The following PCDH7 variants were observed in gnomAD, a reference collection of about 807,000 sequenced individuals.
PCDH7 encodes protocadherin 7.
PCDH7 carries 17 observed loss-of-function variants against 58.9 expected under a neutral mutation model. That is an observed-to-expected ratio of 0.29 (90% CI 0.20 to 0.43). The LOEUF (loss-of-function observed/expected upper bound fraction) is 0.43, where lower values mean the gene tolerates loss of function less well. Among genes scored for constraint, PCDH7 ranks in the 20% least tolerant of loss-of-function variants. The pLI is 1.00. For missense variants in PCDH7, 1,274 were observed against 1,441.0 expected (o/e 0.88, Z 1.88); for synonymous variants, 664 against 616.4 (o/e 1.08, Z -1.14).
At chr4:30,912,672 C>T (rs1175781325) in intron 1 of PCDH7, among the ~76,000 whole-genome samples, 1 of 152,094 alleles carries the variant, frequency 6.6e-6, no homozygotes, top group East Asian at 1.9e-4. Context: ...AGACAAAGAG[C>T]AGTATTCAAT....
chr4:30,835,752 C>T (rs1200910503), intron 1 of PCDH7, among the ~76,000 whole-genome samples: 1 of 152,082 alleles, frequency 6.6e-6, no homozygotes, highest in East Asian at 1.9e-4. Flanking sequence ...TAATAATATC[C>T]CTTCTACCTA....
intron 3 of PCDH7, among the ~76,000 whole-genome samples, chr4:30,952,691 ATGAC>A (rs756615255): frequency 2.6e-5 from 4 of 152,128 alleles, no homozygotes; most frequent in Non-Finnish European, 4.4e-5. Context: ...TTGAGGTAAA[ATGAC>A]TGAGAAGAAA....
chr4:31,059,633 A>G lies in PCDH7; in HGVS notation c.*8-82840A>G, dbSNP rs376864516. Among the ~76,000 whole-genome samples the G allele has an allele frequency of 4.6e-5, 7 of 151,872 alleles. No individual in the cohort carries two copies. In the East Asian group the frequency reaches 1.2e-3, roughly 25 times the overall value. On this transcript the variant is annotated intron_variant, in intron 3 of 3. Coordinates refer to the PCDH7 transcript ENST00000509759. The stretch of plus-strand genomic sequence containing the variant: ...TTCAACTTGAGCTAGACAGATGTAC[A>G]TTTCCATTTGTTCAATAATCTGGGA...
At chr4:30,805,338 T>C (rs1416251769) in intron 1 of PCDH7, among the ~76,000 whole-genome samples, 1 of 152,214 alleles carries the variant, frequency 6.6e-6, no homozygotes, top group Non-Finnish European at 1.5e-5. Context: ...TTGGCTCTTG[T>C]AACCTATTAG....
At chr4:31,056,577 G>T (rs1757264042) in intron 3 of PCDH7, among the ~76,000 whole-genome samples, 1 of 149,228 alleles carries the variant, frequency 6.7e-6, no homozygotes. Context: ...GGGAAGAGAG[G>T]AAGGGAAGGG....
chr4:30,786,266 G>T (rs189852462), intron 1 of PCDH7, among the ~76,000 whole-genome samples: 10 of 152,138 alleles, frequency 6.6e-5, no homozygotes, highest in African/African-American at 2.4e-4. Context: ...TTGGAAGGGT[G>T]TGAACATTCA....
At chr4:31,019,439 C>G (rs936903565) in intron 3 of PCDH7, among the ~76,000 whole-genome samples, 2 of 152,030 alleles carry the variant, frequency 1.3e-5, no homozygotes, top group Non-Finnish European at 2.9e-5. Context: ...CATGGTGGCT[C>G]GTGCCTATAA....
At chr4:30,775,784 C>G (rs1721982104) in intron 1 of PCDH7, among the ~76,000 whole-genome samples, 1 of 152,106 alleles carries the variant, frequency 6.6e-6, no homozygotes, top group Admixed American at 6.5e-5. Flanking sequence ...GTAATCCCAG[C>G]TACTCGGGAG....
intron 1 of PCDH7, among the ~76,000 whole-genome samples, chr4:30,861,453 G>A (rs1734187621): frequency 6.6e-6 from 1 of 152,068 alleles, no homozygotes; most frequent in Non-Finnish European, 1.5e-5. Flanking sequence ...AGTTGAAAAA[G>A]CAACACAATA....
chr4:31,090,943 G>T (rs924907401), intron 3 of PCDH7, among the ~76,000 whole-genome samples: 7 of 151,966 alleles, frequency 4.6e-5, no homozygotes, highest in Non-Finnish European at 1.0e-4. Context: ...ATACAAAACT[G>T]TTGTAGTTAA....
chr4:30,862,222 G>A lies in PCDH7; in HGVS notation c.71-57931G>A, dbSNP rs893040733. 5.3e-5 allele frequency among the ~76,000 whole-genome samples: 8 copies of A among 152,136 alleles called. No homozygotes were observed. The South Asian group carries it at 6.2e-4, about 12-fold the overall frequency. The stretch of plus-strand genomic sequence containing the variant: ...ATAATGATTAGAATACAAACCAAGT[G>A]GAAAAATTCACAGTGGTGATGAAAA... On this transcript the variant is annotated intron_variant, in intron 1 of 3. Transcript: ENST00000509759.
chr4:31,082,975 G>C (rs1711764791), intron 3 of PCDH7, among the ~76,000 whole-genome samples: 1 of 152,238 alleles, frequency 6.6e-6, no homozygotes, highest in East Asian at 1.9e-4. Context: ...GGGTGTGGTG[G>C]TGGGCACCTG....
intron 1 of PCDH7, among the ~76,000 whole-genome samples, chr4:30,906,550 C>A (rs778380806): frequency 6.6e-6 from 1 of 151,958 alleles, no homozygotes; most frequent in South Asian, 2.1e-4. Flanking sequence ...AAAGGCTATA[C>A]AGTATAGTTG....
intron 1 of PCDH7, among the ~76,000 whole-genome samples, chr4:30,917,484 T>A (rs963011574): frequency 6.6e-6 from 1 of 152,100 alleles, no homozygotes; most frequent in Admixed American, 6.5e-5. Context: ...TATAATCCAT[T>A]GTATGATACA....
intron 3 of PCDH7, among the ~76,000 whole-genome samples, chr4:30,981,069 C>T (rs1169191698): frequency 6.6e-6 from 1 of 152,152 alleles, no homozygotes; most frequent in Non-Finnish European, 1.5e-5. Flanking sequence ...GTCTTGAACT[C>T]CTGACCTTGT....
chr4:30,958,245 G>A (rs1182824591), intron 3 of PCDH7, among the ~76,000 whole-genome samples: 7 of 152,058 alleles, frequency 4.6e-5, no homozygotes, highest in Non-Finnish European at 1.0e-4. Flanking sequence ...AAGACACCAA[G>A]GGCCCATCTG....
At chr4:31,070,514 T>A (rs2109252032) in intron 3 of PCDH7, among the ~76,000 whole-genome samples, 1 of 152,176 alleles carries the variant, frequency 6.6e-6, no homozygotes, top group East Asian at 1.9e-4. Context: ...CATTGGCTAA[T>A]AAAACACAGA....
At chr4:31,106,723 T>C (rs1043524015) in intron 3 of PCDH7, among the ~76,000 whole-genome samples, 27 of 152,172 alleles carry the variant, frequency 1.8e-4, no homozygotes, top group African/African-American at 6.3e-4. Context: ...AAAACAATAC[T>C]GGGTGAATTG....
chr4:31,091,040 A>G (rs1713178616), intron 3 of PCDH7, among the ~76,000 whole-genome samples: 1 of 152,118 alleles, frequency 6.6e-6, no homozygotes, highest in East Asian at 1.9e-4. Flanking sequence ...ATGATTAGTC[A>G]TTTTCAACAT....
Sources: allele counts gnomAD v4.1 joint callset (sites outside exome capture counted in the v4.1 genomes callset), GRCh38; gene constraint gnomAD v4.1.1; transcripts MANE v1.5; gene names NCBI Gene and HGNC (gene_info 2026-07-23, HGNC 2026-07-21).